The following PCDHGA1 variants were observed in gnomAD, a reference collection of about 807,000 sequenced individuals.
The protein encoded by PCDHGA1 is protocadherin gamma-A1.
Under a neutral mutation model 58.0 loss-of-function variants are expected in PCDHGA1, and 32 were observed. That is an observed-to-expected ratio of 0.55 (90% confidence interval 0.42 to 0.74). The LOEUF (loss-of-function observed/expected upper bound fraction) is 0.74, where lower values mean the gene tolerates loss of function less well. Among genes scored for constraint, PCDHGA1 ranks in the 30% least tolerant of loss-of-function variants. The pLI is 0.00. For missense variants in PCDHGA1, 1,205 were observed against 1,182.3 expected, an observed-to-expected ratio of 1.02 and a Z score of -0.28; for synonymous variants, 498 against 501.1, an observed-to-expected ratio of 0.99 and a Z score of 0.08.
In PCDHGA1 at chr5:141,431,129, A is replaced by G. The variant is rs771219303; in HGVS notation, c.2422-63678A>G. The G allele has an allele frequency of 7.4e-6, 12 of 1,614,152 alleles. No homozygotes were observed. The Admixed American group carries it at 1.7e-4, about 22-fold the overall frequency. Reference sequence around the variant, plus strand: ...AATATATGGAGTAGAAGTAGAAGTAAGGGACATTAACGACAATGCGCCTTA... The same window carrying G: ...AATATATGGAGTAGAAGTAGAAGTAGGGGACATTAACGACAATGCGCCTTA... On this transcript the variant is annotated intron_variant, in intron 1 of 3. Coordinates refer to ENST00000517417, the MANE Select transcript of PCDHGA1 (RefSeq NM_018912.3). The surrounding 1 kb of genome is among the most constrained non-coding windows in gnomAD (Gnocchi z 4.8).
Position 141,489,941 on chromosome 5 carries a change from A to G in PCDHGA1, c.2422-4866A>G. Reference sequence around the variant, plus strand: ...ACCCTTATCTCTGTCATCGTGCTGGACATCAATGATAATGCTCCAACCTTC... The same window carrying G: ...ACCCTTATCTCTGTCATCGTGCTGGGCATCAATGATAATGCTCCAACCTTC... On this transcript the variant is annotated intron_variant, in intron 1 of 3. Transcript: ENST00000517417. The surrounding 1 kb of genome is among the most constrained non-coding windows in gnomAD (Gnocchi z 4.5). 1.2e-6 allele frequency: 2 copies of G among 1,614,228 alleles called. No homozygotes were observed. The highest frequency in any genetic ancestry group is 1.7e-6 in the Non-Finnish European group (2 of 1,180,034).
intron 1 of PCDHGA1, chr5:141,364,204 A>C (rs1763216193): frequency 1.7e-6 from 2 of 1,155,836 alleles, no homozygotes; most frequent in East Asian, 5.3e-5. Flanking sequence ...CAGACCAGAC[A>C]AGCTCCTACG....
chr5:141,453,288 A>ATTAT (rs577328880), intron 1 of PCDHGA1, among the ~76,000 whole-genome samples: 1,792 of 151,444 alleles, frequency 0.012, 41 homozygotes, highest in African/African-American at 0.034. Context: ...TAATTTTTTA[A>ATTAT]TTATTTATTT....
chr5:141,398,408 A>G (rs2093653088), intron 1 of PCDHGA1: 1 of 1,473,232 alleles, frequency 6.8e-7, no homozygotes, highest in African/African-American at 1.4e-5. Flanking sequence ...GACAGGGAGG[A>G]GATATGCGGG....
chr5:141,471,427 AGT>A (rs1475862025), intron 1 of PCDHGA1: 1 of 152,188 alleles, frequency 6.6e-6, no homozygotes, highest in Non-Finnish European at 1.5e-5. Flanking sequence ...TAGCAAGGAA[AGT>A]GTATAATCTC....
At chr5:141,423,967 A>C (rs760284844) in intron 1 of PCDHGA1, 11 of 1,153,498 alleles carry the variant, frequency 9.5e-6, no homozygotes, top group Non-Finnish European at 1.2e-5. Flanking sequence ...TTTTTCTATT[A>C]TCAGTGTATG....
At chr5:141,464,870 C>G (rs1488189681) in intron 1 of PCDHGA1, among the ~76,000 whole-genome samples, 1 of 152,126 alleles carries the variant, frequency 6.6e-6, no homozygotes, top group Non-Finnish European at 1.5e-5. Flanking sequence ...TCCCAAGTAG[C>G]TAGGACTACA....
At chr5:141,441,886 A>C (rs2098281968) in intron 1 of PCDHGA1, 1 of 345,040 alleles carries the variant, frequency 2.9e-6, no homozygotes, top group Non-Finnish European at 5.6e-6. Flanking sequence ...CCTGGTCACC[A>C]AGGTGGTGGC....
intron 1 of PCDHGA1, chr5:141,355,839 G>C (rs554282896): frequency 6.2e-7 from 1 of 1,612,140 alleles, no homozygotes; most frequent in East Asian, 2.2e-5. Context: ...TCGTTCTCAC[G>C]GCCTTCGATG....
At chr5:141,362,477 T>G in intron 1 of PCDHGA1, 1 of 1,614,056 alleles carries the variant, frequency 6.2e-7, no homozygotes, top group Non-Finnish European at 8.5e-7. Flanking sequence ...CAAGATCTCG[T>G]CTGTGACAAT....
At chr5:141,442,674 A>G (rs2098335634) in intron 1 of PCDHGA1, among the ~76,000 whole-genome samples, 1 of 152,272 alleles carries the variant, frequency 6.6e-6, no homozygotes, top group Non-Finnish European at 1.5e-5. Context: ...GGTGAGCTTG[A>G]GGGACAGTAG....
At position 141,431,667 on chromosome 5, in the gene PCDHGA1, C is replaced by T. The variant is rs759257105; in HGVS notation, c.2422-63140C>T. ...GATTGTAATTCAGGGACAATATCAA[C>T]AATAGGGGAGTTGGACCACGAGGAG... On this transcript the variant is annotated intron_variant, in intron 1 of 3. Coordinates refer to ENST00000517417, the MANE Select transcript of PCDHGA1 (RefSeq NM_018912.3). This position sits in a 1 kb window ranked among gnomAD's most constrained non-coding sequence, Gnocchi z 4.8. 1 of 1,614,226 alleles carries T rather than the reference C, an allele frequency of 6.2e-7. No individual in the cohort carries two copies. The highest frequency in any genetic ancestry group is 1.3e-5 in the African/African-American group (1 of 75,072).
At chr5:141,336,191 A>G (rs992514845) in intron 1 of PCDHGA1, among the ~76,000 whole-genome samples, 3 of 152,144 alleles carry the variant, frequency 2.0e-5, no homozygotes, top group Non-Finnish European at 2.9e-5. Context: ...CAGTGGGGAG[A>G]AAATGAAAAT....
At chr5:141,409,868 A>G in intron 1 of PCDHGA1, 2 of 1,612,688 alleles carry the variant, frequency 1.2e-6, no homozygotes, top group South Asian at 1.1e-5. Context: ...GGGAGACCGC[A>G]ATGACAACGC....
At chr5:141,394,493 C>G in intron 1 of PCDHGA1, 1 of 1,614,222 alleles carries the variant, frequency 6.2e-7, no homozygotes, top group Non-Finnish European at 8.5e-7. Flanking sequence ...ACAACGCGCC[C>G]GAGATCCTGT....
intron 1 of PCDHGA1, chr5:141,403,092 A>G (rs764199669): frequency 6.2e-7 from 1 of 1,614,086 alleles, no homozygotes; most frequent in East Asian, 2.2e-5. Flanking sequence ...ATTGTGGGCA[A>G]CATCTCCAAG....
rs767892593 is a variant in PCDHGA1, at chr5:141,400,152, T to C, written c.2421+67047T>C. 8 of 1,614,064 alleles carry C rather than the reference T, an allele frequency of 5.0e-6. 1 individual carries two copies. In the South Asian group the frequency reaches 6.6e-5, roughly 13 times the overall value. Reference sequence around the variant, plus strand: ...TGCTGCCGGATATCACTGACCGCCCTGTACCCTCTGACCCCCAGGCTGAGC... The same window carrying C: ...TGCTGCCGGATATCACTGACCGCCCCGTACCCTCTGACCCCCAGGCTGAGC... On this transcript the variant is annotated intron_variant, in intron 1 of 3. Transcript: ENST00000517417.
intron 3 of PCDHGA1, among the ~76,000 whole-genome samples, chr5:141,507,582 T>G (rs1221383898): frequency 6.6e-6 from 1 of 152,264 alleles, no homozygotes; most frequent in Non-Finnish European, 1.5e-5. Flanking sequence ...AGATGCCAAG[T>G]TGGCCTCTTG....
Position 141,476,996 on chromosome 5 carries a change from C to T in PCDHGA1, c.2422-17811C>T. The T allele has an allele frequency of 6.2e-7, 1 of 1,614,250 alleles. No homozygotes were observed. Among genetic ancestry groups the T allele is most frequent in the Non-Finnish European group, 8.5e-7 (1 of 1,180,052 alleles). On this transcript the variant is annotated intron_variant, in intron 1 of 3. Coordinates refer to ENST00000517417, the MANE Select transcript of PCDHGA1 (RefSeq NM_018912.3). The surrounding 1 kb of genome is among the most constrained non-coding windows in gnomAD (Gnocchi z 7.6). ...CCACAACCGCGCCGGCGTGCGGCAA[C>T]TATTCGCCTTAGACCTTGTAACCGG...
Sources: gnomAD v4.1 joint callset for allele counts (sites outside exome capture counted in the v4.1 genomes callset) on GRCh38, gnomAD v4.1.1 for gene constraint, Gnocchi (gnomAD v3.1) non-coding constraint, MANE v1.5 for transcripts, NCBI Gene and HGNC (gene_info 2026-07-23, HGNC 2026-07-21) for gene names.